DNAH7: variants seen among roughly 807,000 people sequenced by gnomAD.
DNAH7 encodes axonemal beta dynein heavy chain 7.
Under a neutral mutation model 444.6 loss-of-function variants are expected in DNAH7, and 397 were observed. The ratio of observed to expected loss-of-function variants is 0.89; its 90% CI spans 0.82 to 0.97. DNAH7 has a LOEUF of 0.97. Among genes scored for constraint, DNAH7 ranks in the 50% least tolerant of loss-of-function variants. The pLI, the probability that DNAH7 is intolerant of heterozygous loss-of-function variation, is 0.00. For missense variants in DNAH7, 4,902 were observed against 4,800.8 expected (o/e 1.02, Z -0.62); for synonymous variants, 1,636 against 1,624.4 (o/e 1.01, Z -0.17).
chr2:195,814,506 C>A (rs938894466), intron 51 of DNAH7, among the ~76,000 whole-genome samples: 1 of 152,116 alleles, frequency 6.6e-6, no homozygotes, highest in Non-Finnish European at 1.5e-5. Context: ...ATTTTCAAAG[C>A]ATAGGATTGT....
intron 57 of DNAH7, among the ~76,000 whole-genome samples, chr2:195,793,230 C>T (rs1695974652): frequency 6.6e-6 from 1 of 152,184 alleles, no homozygotes; most frequent in Non-Finnish European, 1.5e-5. Flanking sequence ...AGCCATCATG[C>T]CTGGCCCTTG....
At chr2:196,002,911 G>A (rs1228125576) in intron 10 of DNAH7, among the ~76,000 whole-genome samples, 1 of 151,976 alleles carries the variant, frequency 6.6e-6, no homozygotes, top group African/African-American at 2.4e-5. Flanking sequence ...GGGAGGCTGA[G>A]GAAAGAGAAT....
chr2:195,760,707 C>T (rs1254866303), intron 61 of DNAH7, among the ~76,000 whole-genome samples: 1 of 152,164 alleles, frequency 6.6e-6, no homozygotes, highest in Non-Finnish European at 1.5e-5. Context: ...GAAAGAGCTA[C>T]AGTGTTACTG....
intron 19 of DNAH7, among the ~76,000 whole-genome samples, chr2:195,949,787 GT>G (rs1690093051): frequency 6.6e-6 from 1 of 152,130 alleles, no homozygotes; most frequent in Non-Finnish European, 1.5e-5. Context: ...TAAATACCTA[GT>G]TTATTGAGAG....
intron 29 of DNAH7, among the ~76,000 whole-genome samples, chr2:195,896,256 G>C (rs971210693): frequency 5.3e-5 from 8 of 152,102 alleles, no homozygotes; most frequent in Non-Finnish European, 1.2e-4. Context: ...TTACGGTTTT[G>C]ATTTGTATTT....
At chr2:195,855,350 T>C (rs1234722193) in intron 45 of DNAH7, among the ~76,000 whole-genome samples, 2 of 152,230 alleles carry the variant, frequency 1.3e-5, no homozygotes, top group African/African-American at 4.8e-5. Flanking sequence ...ACTGTGTGGT[T>C]CTGAGTATTG....
chr2:195,802,706 A>C (rs1184904895), intron 54 of DNAH7, among the ~76,000 whole-genome samples: 35 of 152,194 alleles, frequency 2.3e-4, no homozygotes, highest in Admixed American at 1.9e-3. Context: ...ACAAAAAAAA[A>C]ACAAAAATTT....
chr2:195,744,663 G>C (rs1262122403), intron 63 of DNAH7, among the ~76,000 whole-genome samples: 1 of 152,166 alleles, frequency 6.6e-6, no homozygotes, highest in African/African-American at 2.4e-5. Context: ...AAAACTTCCA[G>C]AGGAACAATC....
chr2:195,855,718 G>A, intron 45 of DNAH7, 93 bp downstream of exon 45: 3 of 1,375,056 alleles, frequency 2.2e-6, no homozygotes, highest in East Asian at 2.3e-5. Context: ...GACCAGGAAG[G>A]AAACAGGACT....
At chr2:195,853,641 G>A (rs887396752) in intron 45 of DNAH7, 113 bp from the exon 46 acceptor site, 2 of 1,080,888 alleles carry the variant, frequency 1.9e-6, no homozygotes, top group East Asian at 5.3e-5. Context: ...ACTTCTGCCT[G>A]GGATTTCCTA....
chr2:195,780,394 TTTTGA>T lies in DNAH7; in HGVS notation c.10879-2414_10879-2410del, dbSNP rs569472882. ...GATAAAATTTTAAATATTTTATCCA[TTTTGA>T]TTTATCTTTTACTTCTATGATGTTT... On this transcript the variant is annotated intron_variant, in intron 58 of 64. Transcript: ENST00000312428. Among the ~76,000 whole-genome samples the T allele has an allele frequency of 4.7e-3, 710 of 152,290 alleles. 8 individuals are homozygous for T. Among genetic ancestry groups the T allele is most frequent in the African/African-American group, 0.015 (611 of 41,582 alleles).
chr2:196,000,923 G>A (rs1192969970), intron 11 of DNAH7, 40 bp from the exon 12 acceptor site: 2 of 1,486,132 alleles, frequency 1.3e-6, no homozygotes, highest in Admixed American at 4.3e-5. Context: ...AAATATGTAT[G>A]AATTGTGACA....
chr2:195,810,300 C>CTA (rs1553522691), intron 51 of DNAH7, among the ~76,000 whole-genome samples: 3 of 152,124 alleles, frequency 2.0e-5, no homozygotes, highest in Non-Finnish European at 4.4e-5. Flanking sequence ...TTGTGCTACT[C>CTA]ATTATAAATT....
At chr2:195,856,082 T>C in intron 44 of DNAH7, 91 bp from the exon 45 acceptor site, 1 of 1,198,098 alleles carries the variant, frequency 8.3e-7, no homozygotes, top group Non-Finnish European at 1.1e-6. Context: ...ACCCTTACTA[T>C]AACTGAAAAC....
chr2:195,987,471 C>T (rs1692998009), intron 13 of DNAH7, among the ~76,000 whole-genome samples: 1 of 151,554 alleles, frequency 6.6e-6, no homozygotes, highest in South Asian at 2.1e-4. Flanking sequence ...TACTGTATTG[C>T]TAAATAAATA....
At position 195,974,319 on chromosome 2, in the gene DNAH7, A is replaced by T. The variant is rs781130071; in HGVS notation, c.1834-1853T>A. 1.8e-4 allele frequency among the ~76,000 whole-genome samples: 27 copies of T among 152,358 alleles called. 1 individual carries two copies. Among genetic ancestry groups the T allele is most frequent in the Non-Finnish European group, 3.1e-4 (21 of 68,026 alleles). ...TGATAATTTAGTTAATCAGCTATCT[A>T]TGTAGTCAAATGACTGGGATTTTTA... On this transcript the variant is annotated intron_variant, in intron 15 of 64. Transcript: ENST00000312428.
intron 59 of DNAH7, 115 bp downstream of exon 59, chr2:195,777,685 G>T: frequency 9.3e-7 from 1 of 1,069,656 alleles, no homozygotes; most frequent in Non-Finnish European, 1.3e-6. Flanking sequence ...AGAAAGCACA[G>T]ACAAGGGTAA....
chr2:195,978,344 A>G (rs896857781), intron 15 of DNAH7, among the ~76,000 whole-genome samples: 1 of 152,116 alleles, frequency 6.6e-6, no homozygotes, highest in African/African-American at 2.4e-5. Context: ...AAAATAATAA[A>G]TTATAAGATA....
At position 195,861,926 on chromosome 2, in the gene DNAH7, G is replaced by A; in HGVS notation, c.7527C>T (p.Leu2509=). The stretch of plus-strand genomic sequence containing the variant: ...CCAAGAATCGTGAGGCAACTGCCTG[G>A]AGTGCATCTTCAGGCCATGACTAAA... ...DWFQSWPEDA[L]QAVASRFLEE... Residue 2509 remains leucine, a synonymous_variant, in exon 42 of 65, where the codon CTC becomes CTT. Coordinates refer to ENST00000312428, the MANE Select transcript of DNAH7 (RefSeq NM_018897.3). 1 of 1,612,712 alleles carries A rather than the reference G, an allele frequency of 6.2e-7. No individual in the cohort carries two copies. Among genetic ancestry groups the A allele is most frequent in the Non-Finnish European group, 8.5e-7 (1 of 1,178,786 alleles).
Sources: allele counts gnomAD v4.1 joint callset (sites outside exome capture counted in the v4.1 genomes callset), GRCh38; gene constraint gnomAD v4.1.1; transcripts MANE v1.5; gene names NCBI Gene and HGNC (gene_info 2026-07-23, HGNC 2026-07-21).